Variants in SGIP1 observed in about 807,000 individuals in gnomAD.
SGIP1 encodes SH3-containing GRB2-like protein 3-interacting protein 1.
A neutral mutation model predicts 107.5 loss-of-function variants in SGIP1; 38 were observed. The ratio of observed to expected loss-of-function variants is 0.35; its 90% CI spans 0.27 to 0.46. The LOEUF (loss-of-function observed/expected upper bound fraction) is 0.46, where lower values mean the gene tolerates loss of function less well. SGIP1 is among the 20% of genes least tolerant of loss of function. The probability of loss-of-function intolerance (pLI) is 1.00; values close to 1 mark genes in which losing one functional copy is unlikely to be tolerated. For missense variants in SGIP1, 929 were observed against 1,019.5 expected, an observed-to-expected ratio of 0.91 and a Z score of 1.21; for synonymous variants, 365 against 366.1, an observed-to-expected ratio of 1.00 and a Z score of 0.03.
intron 17 of SGIP1, among the ~76,000 whole-genome samples, chr1:66,692,266 G>C (rs1184539092): frequency 6.6e-6 from 1 of 151,504 alleles, no homozygotes; most frequent in Non-Finnish European, 1.5e-5. Flanking sequence ...CAGAAACTTT[G>C]ATTCTTAACA....
Position 66,682,164 on chromosome 1 carries a change from A to C in SGIP1, c.1110A>C (p.Val370=), listed in dbSNP as rs889393561. Reference sequence around the variant, plus strand: ...GGCCTCCTGGGCCTCCTCGCAATGTACTATCGCCGCTCAATTTAGAAGAAG... The same window carrying C: ...GGCCTCCTGGGCCTCCTCGCAATGTCCTATCGCCGCTCAATTTAGAAGAAG... ...PPGPPGPPRN[V]LSPLNLEEVQ... The change falls in exon 15 of 25, where the codon GTA becomes GTC. Residue 370 remains valine, a synonymous_variant. Transcript: ENST00000371037. 1 of 1,614,046 alleles carries C rather than the reference A, an allele frequency of 6.2e-7. No individual in the cohort carries two copies. The highest frequency in any genetic ancestry group is 8.5e-7 in the Non-Finnish European group (1 of 1,180,040).
At chr1:66,710,357 T>G (rs1557711198) in intron 18 of SGIP1, among the ~76,000 whole-genome samples, 1 of 152,158 alleles carries the variant, frequency 6.6e-6, no homozygotes. Flanking sequence ...ATGACACGAC[T>G]GTAAGGCAAA....
At chr1:66,742,460 CTTTTTTTTTTTTT>C (rs764080079) in intron 24 of SGIP1, among the ~76,000 whole-genome samples, 2 of 45,104 alleles carry the variant, frequency 4.4e-5, no homozygotes, top group Admixed American at 2.4e-4. Flanking sequence ...AGCACCCTTT[CTTTTTTTTTTTTT>C]TTTTTTTTTT....
At chr1:66,673,989 A>AC (rs5774828) in intron 12 of SGIP1, among the ~76,000 whole-genome samples, 48,727 of 151,454 alleles carry the variant, frequency 0.32, 8,837 homozygotes, top group East Asian at 0.79. Flanking sequence ...ACATACGGAG[A>AC]CCCCCATCTC....
In SGIP1 at chr1:66,636,817, A is replaced by G. The variant is rs1377100065; in HGVS notation, c.171+802A>G. ...ACCTTGAAAGCCAGAGGCATTCCCAATGGAAACTGAGAATTTTGATGAATG... is the reference window on the plus strand; with the variant it reads ...ACCTTGAAAGCCAGAGGCATTCCCAGTGGAAACTGAGAATTTTGATGAATG... On this transcript the variant is annotated intron_variant, in intron 4 of 24. Coordinates refer to ENST00000371037, the MANE Select transcript of SGIP1 (RefSeq NM_032291.4). 4.6e-5 allele frequency among the ~76,000 whole-genome samples: 7 copies of G among 152,168 alleles called. No individual in the cohort carries two copies. The South Asian group carries it at 1.0e-3, about 23-fold the overall frequency.
intron 1 of SGIP1, among the ~76,000 whole-genome samples, chr1:66,537,835 G>A (rs1176692290): frequency 1.3e-5 from 2 of 151,702 alleles, no homozygotes; most frequent in Non-Finnish European, 2.9e-5. Flanking sequence ...ATGCATTGAG[G>A]CAAAAAAATG....
intron 5 of SGIP1, among the ~76,000 whole-genome samples, chr1:66,640,197 TG>T (rs1393634177): frequency 6.6e-6 from 1 of 152,184 alleles, no homozygotes; most frequent in East Asian, 1.9e-4. Context: ...CAGCTGTGTG[TG>T]GCCTTGGAGT....
chr1:66,680,903 G>GT (rs1192326650), intron 14 of SGIP1, among the ~76,000 whole-genome samples: 1 of 152,094 alleles, frequency 6.6e-6, no homozygotes, highest in Non-Finnish European at 1.5e-5. Context: ...AATAATCTCA[G>GT]TTTTTAAAAA....
intron 5 of SGIP1, among the ~76,000 whole-genome samples, 155 bp from the exon 6 acceptor site, chr1:66,642,655 A>G (rs1004916739): frequency 6.6e-6 from 1 of 152,196 alleles, no homozygotes; most frequent in Admixed American, 6.5e-5. Context: ...GTAAATATCT[A>G]AACATATTGC....
At chr1:66,649,943 A>G (rs1471109647) in intron 7 of SGIP1, among the ~76,000 whole-genome samples, 1 of 152,132 alleles carries the variant, frequency 6.6e-6, no homozygotes. Flanking sequence ...TTCTTCATCT[A>G]TTAATGGGGT....
At chr1:66,687,322 G>A (rs911319716) in intron 15 of SGIP1, among the ~76,000 whole-genome samples, 1 of 148,860 alleles carries the variant, frequency 6.7e-6, no homozygotes, top group Admixed American at 6.7e-5. Context: ...AATGTCCTGA[G>A]ACTTCACTGT....
chr1:66,729,454 C>T (rs769013052), intron 20 of SGIP1, 35 bp downstream of exon 20: 5 of 1,613,176 alleles, frequency 3.1e-6, no homozygotes, highest in South Asian at 1.1e-5. Flanking sequence ...TTCAGAGATA[C>T]ATGTGGCTTA....
intron 6 of SGIP1, 116 bp downstream of exon 6, chr1:66,642,980 C>T (rs965965042): frequency 1.8e-5 from 15 of 830,246 alleles, no homozygotes; most frequent in Non-Finnish European, 2.2e-5. Flanking sequence ...CCTGTTATCC[C>T]TAATATTAGA....
chr1:66,694,490 G>C, intron 17 of SGIP1: 1 of 1,604,956 alleles, frequency 6.2e-7, no homozygotes, highest in Non-Finnish European at 8.5e-7. Context: ...GAAAGGCGCT[G>C]TGAAACGCCT....
chr1:66,534,062 A>G (rs1218791806), upstream of SGIP1: 25 of 508,866 alleles, frequency 4.9e-5, no homozygotes, highest in Non-Finnish European at 8.8e-5. Context: ...GCTGGCTACC[A>G]TGTGACGCGG....
At chr1:66,542,451 T>C (rs1482675275) in intron 1 of SGIP1, among the ~76,000 whole-genome samples, 1 of 152,128 alleles carries the variant, frequency 6.6e-6, no homozygotes, top group East Asian at 1.9e-4. Flanking sequence ...GAATGACGTA[T>C]GCATTGTGAC....
intron 1 of SGIP1, among the ~76,000 whole-genome samples, chr1:66,562,151 G>A (rs1033231047): frequency 1.3e-5 from 2 of 151,838 alleles, no homozygotes; most frequent in African/African-American, 4.8e-5. Context: ...CACCTCCTAT[G>A]TGCTAAGTAC....
intron 21 of SGIP1, among the ~76,000 whole-genome samples, chr1:66,737,140 T>G (rs561395148): frequency 1.3e-5 from 2 of 152,318 alleles, no homozygotes; most frequent in South Asian, 4.1e-4. Context: ...TAATTTTTTC[T>G]CTGAATGAGA....
chr1:66,675,547 T>C (rs949282897), intron 12 of SGIP1, among the ~76,000 whole-genome samples: 4 of 134,476 alleles, frequency 3.0e-5, no homozygotes, highest in South Asian at 5.2e-4. Flanking sequence ...CTTTCTTTTT[T>C]TTTTTTTTTT....
Sources: allele counts gnomAD v4.1 joint callset (sites outside exome capture counted in the v4.1 genomes callset), GRCh38; gene constraint gnomAD v4.1.1; transcripts MANE v1.5; gene names NCBI Gene and HGNC (gene_info 2026-07-23, HGNC 2026-07-21).